The following PARP1 variants were observed in gnomAD, a reference collection of about 807,000 sequenced individuals.
PARP1 encodes the protein poly(ADP-ribose) polymerase 1, also known as poly [ADP-ribose] polymerase 1.
In PARP1, 44 loss-of-function variants were observed where a neutral mutation model predicts 118.7. The ratio of observed to expected loss-of-function variants is 0.37; its 90% CI spans 0.29 to 0.48. PARP1 has a LOEUF of 0.48. Ranked by LOEUF, PARP1 falls within the 20% of genes least tolerant of loss-of-function variation. The pLI is 0.99. For synonymous variants in PARP1, 492 were observed against 483.2 expected, an observed-to-expected ratio of 1.02 and a Z score of -0.24; for missense variants, 1,100 against 1,272.4, an observed-to-expected ratio of 0.86 and a Z score of 2.06.
In PARP1 at chr1:226,386,439, G is replaced by C. The variant is rs151069237; in HGVS notation, c.721C>G (p.Gln241Glu). 5 of 1,603,226 alleles carry C rather than the reference G, an allele frequency of 3.1e-6. No individual in the cohort carries two copies. In the African/African-American group the frequency reaches 6.7e-5, roughly 21 times the overall value. ...TTGATGTTCCAGATCAGGTCGTTCT[G>C]AGCCTATGGACAAGACCCAGTGGCT... is the stretch of plus-strand genomic sequence containing the variant. ...DSKLEKALKA[Q>E]NDLIWNIKDE... Residue 241 changes from glutamine (Q) to glutamate (E), a missense_variant, in exon 6 of 23, where the codon CAG (glutamine) becomes GAG (glutamate). Coordinates refer to ENST00000366794, the MANE Select transcript of PARP1 (RefSeq NM_001618.4).
At chr1:226,392,904 G>T in intron 2 of PARP1, 1 of 1,563,016 alleles carries the variant, frequency 6.4e-7, no homozygotes, top group South Asian at 1.2e-5. Context: ...TTCCCAGGTT[G>T]AATGTTTCTT....
chr1:226,370,682 C>A (rs1264735273), intron 14 of PARP1, 165 bp from the exon 15 acceptor site: 1 of 679,008 alleles, frequency 1.5e-6, no homozygotes, highest in Non-Finnish European at 2.7e-6. Context: ...TGTAGCCCCA[C>A]CCCACCATGA....
At chr1:226,394,553 T>G (rs1282432971) in intron 2 of PARP1, among the ~76,000 whole-genome samples, 1 of 152,192 alleles carries the variant, frequency 6.6e-6, no homozygotes, top group African/African-American at 2.4e-5. Flanking sequence ...TACAGGTGCG[T>G]GGGATGTACA....
chr1:226,374,461 C>G, intron 13 of PARP1, 107 bp from the exon 14 acceptor site: 2 of 1,348,376 alleles, frequency 1.5e-6, no homozygotes, highest in South Asian at 2.4e-5. Flanking sequence ...TAGAGTGCCA[C>G]CAGCAAAAAA....
At chr1:226,400,517 C>A (rs1229772887) in intron 2 of PARP1, among the ~76,000 whole-genome samples, 1 of 152,242 alleles carries the variant, frequency 6.6e-6, no homozygotes, top group Non-Finnish European at 1.5e-5. Context: ...GGGTGGGCTA[C>A]CTGACAGTGG....
At chr1:226,379,786 C>T (rs1576395849) in intron 10 of PARP1, 136 bp downstream of exon 10, 2 of 1,454,800 alleles carry the variant, frequency 1.4e-6, no homozygotes, top group East Asian at 4.5e-5. Flanking sequence ...CCCCAAAGCG[C>T]CTGCCATTCT....
At chr1:226,369,374 T>C (rs1465284733) in intron 15 of PARP1, among the ~76,000 whole-genome samples, 1 of 152,240 alleles carries the variant, frequency 6.6e-6, no homozygotes, top group Non-Finnish European at 1.5e-5. Flanking sequence ...CCCTCCAGGA[T>C]GTAGCTGGAA....
chr1:226,382,888 T>A (rs1664645392), intron 8 of PARP1, 148 bp downstream of exon 8: 10 of 824,490 alleles, frequency 1.2e-5, no homozygotes, highest in East Asian at 2.6e-5. Context: ...AAGAGGCCTA[T>A]CCCCTGCAGG....
At chr1:226,395,389 T>G (rs564555228) in intron 2 of PARP1, among the ~76,000 whole-genome samples, 5 of 152,302 alleles carry the variant, frequency 3.3e-5, no homozygotes, top group Admixed American at 3.3e-4. Flanking sequence ...TGAATACCAT[T>G]CATAATAGCC....
chr1:226,372,264 C>T (rs889981916), intron 14 of PARP1, among the ~76,000 whole-genome samples: 1 of 152,236 alleles, frequency 6.6e-6, no homozygotes, highest in Non-Finnish European at 1.5e-5. Context: ...CAGGAGTGGG[C>T]ACCCCGCTTT....
At chr1:226,373,010 G>A (rs546335474) in intron 14 of PARP1, among the ~76,000 whole-genome samples, 65 of 152,280 alleles carry the variant, frequency 4.3e-4, no homozygotes, top group African/African-American at 1.4e-3. Flanking sequence ...TTTTAAACCC[G>A]TTAGAGGATG....
rs1576406405 is a variant in PARP1, at chr1:226,408,070, A to C, written c.-141T>G. The C allele has an allele frequency of 3.2e-6, 4 of 1,240,388 alleles. No homozygotes were observed. The highest frequency in any genetic ancestry group is 1.5e-5 in the African/African-American group (1 of 67,326). The allele number at this position is 1,240,388 out of a possible 1,614,324, so 76.8% of individuals were successfully genotyped here. A position where few individuals can be genotyped will look rare whatever the true frequency, so the allele number is the denominator to read the frequency against. ...CGCCACCGAACACGCCGCACCGGCC[A>C]CCGCCGTTCCCTGATAGATTGCTGA... is the stretch of plus-strand genomic sequence containing the variant. On this transcript the variant is annotated 5_prime_UTR_variant, in exon 1 of 23. Transcript: ENST00000366794.
chr1:226,366,352 G>C, intron 17 of PARP1: 1 of 383,816 alleles, frequency 2.6e-6, no homozygotes, highest in Non-Finnish European at 5.0e-6. Flanking sequence ...CACTGTCAGT[G>C]AACAGGGCAT....
rs774502829 is a variant in PARP1, at chr1:226,379,206, C to T, written c.1681G>A (p.Asp561Asn). Residue 561 changes from aspartate (D) to asparagine (N), a missense_variant, in exon 12 of 23, where the codon GAC becomes AAC. Asp to Asn is a conservative substitution (Grantham distance 23, BLOSUM62 1). Coordinates refer to ENST00000366794, the MANE Select transcript of PARP1 (RefSeq NM_001618.4). ...TAGGAGTTGGTTCCTTTAACGATGT[C>T]CACCAGGCCAAGGGTGGCACTGAAG... ...KVFSATLGLV[D>N]IVKGTNSYYK... The T allele has an allele frequency of 6.2e-7, 1 of 1,614,208 alleles. No homozygotes were observed. The highest frequency in any genetic ancestry group is 8.5e-7 in the Non-Finnish European group (1 of 1,180,004).
intron 13 of PARP1, among the ~76,000 whole-genome samples, chr1:226,376,500 T>G (rs1157413616): frequency 6.6e-6 from 1 of 152,194 alleles, no homozygotes; most frequent in East Asian, 1.9e-4. Flanking sequence ...TGACCATGGG[T>G]TCAGATAAAA....
chr1:226,386,017 T>G (rs1038787174), intron 6 of PARP1, among the ~76,000 whole-genome samples: 2 of 152,188 alleles, frequency 1.3e-5, no homozygotes, highest in African/African-American at 4.8e-5. Context: ...CTGGGGACAC[T>G]GATGGGAAAC....
intron 2 of PARP1, among the ~76,000 whole-genome samples, chr1:226,397,193 C>T (rs989326588): frequency 5.4e-5 from 8 of 149,246 alleles, no homozygotes; most frequent in African/African-American, 1.7e-4. Flanking sequence ...ATTAGTTGGG[C>T]AACTGTAGTC....
rs1665187397 is a variant in PARP1 at position 226,408,006 on chromosome 1, G to C, written c.-77C>G. 6.3e-7 allele frequency: 1 copy of C among 1,594,344 alleles called. No homozygotes were observed. The highest frequency in any genetic ancestry group is 8.5e-7 in the Non-Finnish European group (1 of 1,171,962). ...ACACGCTGCCGCCTCGCCGCCTCGC[G>C]TGCGCTCACCCAGCCGCAGGCGCCT... On this transcript the variant is annotated 5_prime_UTR_variant, in exon 1 of 23. Transcript: ENST00000366794.
intron 9 of PARP1, among the ~76,000 whole-genome samples, 197 bp downstream of exon 9, chr1:226,380,871 G>A (rs891840239): frequency 6.6e-6 from 1 of 152,146 alleles, no homozygotes; most frequent in Non-Finnish European, 1.5e-5. Flanking sequence ...TTGAGAACAC[G>A]CAATGCATGT....
Sources: gnomAD v4.1 joint callset for allele counts (sites outside exome capture counted in the v4.1 genomes callset) on GRCh38, gnomAD v4.1.1 for gene constraint, MANE v1.5 for transcripts, NCBI Gene and HGNC (gene_info 2026-07-23, HGNC 2026-07-21) for gene names.